The following RNF138 variants were observed in gnomAD, a reference collection of about 807,000 sequenced individuals.
RNF138 encodes the protein E3 ubiquitin-protein ligase RNF138.
A neutral mutation model predicts 31.0 loss-of-function variants in RNF138; 12 were observed. The observed-to-expected ratio is 0.39, with a 90% CI of 0.25 to 0.63. The LOEUF is 0.63. RNF138 is among the 20% of genes least tolerant of loss of function. RNF138 has a pLI of 0.52. For missense variants in RNF138, 192 were observed against 300.1 expected (o/e 0.64, Z 2.66); for synonymous variants, 105 against 99.5 (o/e 1.06, Z -0.33).
At chr18:32,112,608 G>T (rs1481091592) in intron 3 of RNF138, among the ~76,000 whole-genome samples, 1 of 152,156 alleles carries the variant, frequency 6.6e-6, no homozygotes, top group East Asian at 1.9e-4. Context: ...TTTGAACCTG[G>T]GCGGCAGAGG....
At chr18:32,110,850 G>A (rs1294967194) in intron 2 of RNF138, among the ~76,000 whole-genome samples, 3 of 151,350 alleles carry the variant, frequency 2.0e-5, no homozygotes, top group Non-Finnish European at 2.9e-5. Flanking sequence ...GTGCAATCTC[G>A]GCTCACTGCA....
chr18:32,096,352 ATAG>A (rs778910293), intron 2 of RNF138, among the ~76,000 whole-genome samples: 3 of 152,174 alleles, frequency 2.0e-5, no homozygotes, highest in Admixed American at 6.5e-5. Context: ...TAAGGAAATG[ATAG>A]TAGGAATGGA....
chr18:32,129,182 A>G lies in RNF138; in HGVS notation c.733A>G (p.Ile245Val), dbSNP rs1251598383. ...TGTTGAAGAATCTTTTCAAGTAAACATCTGAAGGCTGTAGACATCTCTGCA... is the reference window on the plus strand; with the variant it reads ...TGTTGAAGAATCTTTTCAAGTAAACGTCTGAAGGCTGTAGACATCTCTGCA... ...TAVEESFQVN[I>V] The change falls in exon 8 of 8, where the codon ATC becomes GTC. Residue 245 changes from isoleucine (I) to valine (V), a missense_variant. This residue lies in a region of RNF138 where 140 missense variants were observed against 251.7 expected (regional missense o/e 0.56). Coordinates refer to ENST00000261593, the MANE Select transcript of RNF138 (RefSeq NM_016271.5). 1.2e-6 allele frequency: 2 copies of G among 1,610,198 alleles called. No individual in the cohort carries two copies. Among genetic ancestry groups the G allele is most frequent in the Non-Finnish European group, 1.7e-6 (2 of 1,177,098 alleles).
chr18:32,093,018 G>A (rs962867160), intron 2 of RNF138, 132 bp downstream of exon 2: 5 of 484,190 alleles, frequency 1.0e-5, no homozygotes, highest in East Asian at 3.6e-5. Flanking sequence ...TGCCCCGCGA[G>A]GTCCCGTTCC....
intron 6 of RNF138, chr18:32,125,337 A>G (rs921826880): frequency 6.6e-6 from 1 of 152,644 alleles, no homozygotes; most frequent in African/African-American, 2.4e-5. Flanking sequence ...TGATGCCTAC[A>G]TATTTTTTGA....
At position 32,124,811 on chromosome 18, in the gene RNF138, G is replaced by C. The variant is rs2040359284; in HGVS notation, c.527G>C (p.Cys176Ser). 6.3e-7 allele frequency: 1 copy of C among 1,592,946 alleles called. No homozygotes were observed. The highest frequency in any genetic ancestry group is 1.3e-5 in the African/African-American group (1 of 74,424). ...NFTRQRLLDH[C>S]NSNHLFQIVP... ...ACCAGACAGCGTTTACTGGATCACT[G>C]TAACAGTAATCACCTATTTCAGATA... is the stretch of plus-strand genomic sequence containing the variant. Residue 176 changes from cysteine (C) to serine (S), a missense_variant, in exon 6 of 8, where the codon TGT becomes TCT. Coordinates refer to ENST00000261593, the MANE Select transcript of RNF138 (RefSeq NM_016271.5).
intron 2 of RNF138, among the ~76,000 whole-genome samples, chr18:32,105,691 A>C (rs538860705): frequency 1.3e-5 from 2 of 152,342 alleles, no homozygotes; most frequent in South Asian, 4.1e-4. Flanking sequence ...AATTCTTAAG[A>C]CTGCAAAAGC....
chr18:32,120,296 A>G (rs551053785), intron 4 of RNF138, among the ~76,000 whole-genome samples: 1 of 152,326 alleles, frequency 6.6e-6, no homozygotes, highest in East Asian at 1.9e-4. Context: ...ATGAAATTAA[A>G]AACATATATA....
At chr18:32,118,134 C>T (rs1051705003) in intron 4 of RNF138, among the ~76,000 whole-genome samples, 7 of 152,162 alleles carry the variant, frequency 4.6e-5, no homozygotes, top group Non-Finnish European at 1.0e-4. Context: ...AATTTCTCTC[C>T]AGATTGTTCA....
rs58774714 is a variant in RNF138, at chr18:32,107,116, CTTTTTTT to C, written c.111-4623_111-4617del. Among the ~76,000 whole-genome samples the C allele has an allele frequency of 9.6e-4, 97 of 100,588 alleles. 1 individual carries two copies. Among genetic ancestry groups the C allele is most frequent in the Middle Eastern group, 6.6e-3 (1 of 152 alleles). 66.0% of individuals were successfully genotyped at this position (100,588 alleles called of 152,430 possible). A position where few individuals can be genotyped will look rare whatever the true frequency, so the allele number is the denominator to read the frequency against. Reference sequence around the variant, plus strand: ...TGGTTAAATTCACTTTCCTTTTTTCCTTTTTTTTTTTTTTTTTTTTTGGAGACGGAAT... The same window carrying C: ...TGGTTAAATTCACTTTCCTTTTTTCCTTTTTTTTTTTTTTGGAGACGGAAT... On this transcript the variant is annotated intron_variant, in intron 2 of 7. Coordinates refer to ENST00000261593, the MANE Select transcript of RNF138 (RefSeq NM_016271.5).
intron 2 of RNF138, among the ~76,000 whole-genome samples, chr18:32,108,773 A>G (rs535172594): frequency 1.3e-5 from 2 of 152,318 alleles, no homozygotes; most frequent in East Asian, 1.9e-4. Context: ...GACTCAAGCA[A>G]TCCTCCTGCC....
intron 6 of RNF138, chr18:32,125,112 C>T (rs1037308477): frequency 6.9e-6 from 2 of 290,910 alleles, no homozygotes; most frequent in South Asian, 7.5e-5. Context: ...AAAGATGAAC[C>T]GGGAACTCAT....
chr18:32,097,735 C>T (rs1408978084), intron 2 of RNF138, among the ~76,000 whole-genome samples: 1 of 151,980 alleles, frequency 6.6e-6, no homozygotes, highest in African/African-American at 2.4e-5. Context: ...ATTGGCCAGG[C>T]TGGTCTCGAA....
chr18:32,092,746 T>C lies in RNF138; in HGVS notation c.-31T>C, dbSNP rs1177587268. On this transcript the variant is annotated 5_prime_UTR_variant, in exon 2 of 8. Transcript: ENST00000261593. ...ACCGTCACCTCGGCCGCTGCCGCTG[T>C]CGCCATCGCCTTGTTTCCCCATCCC... 1 of 1,433,454 alleles carries C rather than the reference T, an allele frequency of 7.0e-7. No homozygotes were observed. The highest frequency in any genetic ancestry group is 2.5e-5 in the East Asian group (1 of 40,772). 88.8% of individuals were successfully genotyped at this position (1,433,454 alleles called of 1,614,324 possible). A position where few individuals can be genotyped will look rare whatever the true frequency, so the allele number is the denominator to read the frequency against.
Position 32,097,946 on chromosome 18 carries a change from G to A in RNF138, c.110+5060G>A, listed in dbSNP as rs1318810122. On this transcript the variant is annotated intron_variant, in intron 2 of 7. Coordinates refer to ENST00000261593, the MANE Select transcript of RNF138 (RefSeq NM_016271.5). ...TGTGTGTATATGTGTATGTATATAT[G>A]TGTGTGTGTGTGTGTGTGTGTGTGT... Among the ~76,000 whole-genome samples the A allele has an allele frequency of 6.8e-4, 11 of 16,060 alleles. No homozygotes were observed. In the African/African-American group the frequency reaches 7.1e-3, roughly 10 times the overall value. The allele number at this position is 16,060 out of a possible 152,430, so 10.5% of individuals were successfully genotyped here.
At chr18:32,098,476 C>CT (rs2039854511) in intron 2 of RNF138, among the ~76,000 whole-genome samples, 1 of 152,150 alleles carries the variant, frequency 6.6e-6, no homozygotes, top group South Asian at 2.1e-4. Flanking sequence ...TTATTGGTAT[C>CT]TTGTTACTTG....
rs572937945 is a variant in RNF138 at position 32,130,087 on chromosome 18, T to C, written c.*900T>C. ...AAAGCTAAAGATGTATATATACATATACTTTTGTGTGTATATATACACATA... is the reference window on the plus strand; with the variant it reads ...AAAGCTAAAGATGTATATATACATACACTTTTGTGTGTATATATACACATA... On this transcript the variant is annotated 3_prime_UTR_variant, in exon 8 of 8. Transcript: ENST00000261593. The C allele has an allele frequency of 4.6e-5, 7 of 152,578 alleles. No individual in the cohort carries two copies. The highest frequency in any genetic ancestry group is 1.4e-4 in the African/African-American group (6 of 41,554). The allele number at this position is 152,578 out of a possible 1,614,324, so 9.5% of individuals were successfully genotyped here. A position where few individuals can be genotyped will look rare whatever the true frequency, so the allele number is the denominator to read the frequency against.
intron 2 of RNF138, among the ~76,000 whole-genome samples, chr18:32,109,686 A>G (rs1174001391): frequency 6.6e-6 from 1 of 152,206 alleles, no homozygotes; most frequent in Non-Finnish European, 1.5e-5. Flanking sequence ...TCAGGAGTTC[A>G]AGACTAGCCT....
intron 2 of RNF138, among the ~76,000 whole-genome samples, chr18:32,097,936 A>G (rs2039840956): frequency 8.8e-6 from 1 of 113,216 alleles, no homozygotes; most frequent in Non-Finnish European, 1.8e-5. Context: ...GTATATGTGT[A>G]TGTATATATG....
Sources: gnomAD v4.1 joint callset for allele counts (sites outside exome capture counted in the v4.1 genomes callset) on GRCh38, gnomAD v4.1.1 for gene constraint, gnomAD v4.1.1 regional missense constraint, MANE v1.5 for transcripts, NCBI Gene and HGNC (gene_info 2026-07-23, HGNC 2026-07-21) for gene names.